Variants in NELL1 observed in about 807,000 individuals in gnomAD.
The protein encoded by NELL1 is neural EGFL like 1.
In NELL1, 76 loss-of-function variants were observed where a neutral mutation model predicts 107.4. The observed-to-expected ratio is 0.71, with a 90% CI of 0.59 to 0.86. The LOEUF (loss-of-function observed/expected upper bound fraction) is 0.86, where lower values mean the gene tolerates loss of function less well. Ranked by LOEUF, NELL1 falls within the 40% of genes least tolerant of loss-of-function variation. The pLI, the probability that NELL1 is intolerant of heterozygous loss-of-function variation, is 0.00. For missense variants in NELL1, 1,024 were observed against 1,005.5 expected, an observed-to-expected ratio of 1.02 and a Z score of -0.25; for synonymous variants, 353 against 341.2, an observed-to-expected ratio of 1.03 and a Z score of -0.38.
At chr11:21,316,887 A>G (rs1169102669) in intron 14 of NELL1, among the ~76,000 whole-genome samples, 1 of 152,104 alleles carries the variant, frequency 6.6e-6, no homozygotes, top group East Asian at 1.9e-4. Context: ...GACTATAATG[A>G]AAACGATTCA....
Position 21,575,491 on chromosome 11 carries a change from T to A in NELL1, c.*469T>A, listed in dbSNP as rs1477005666. 6.3e-6 allele frequency: 1 copy of A among 158,900 alleles called. No individual in the cohort carries two copies. Among genetic ancestry groups the A allele is most frequent in the Non-Finnish European group, 1.4e-5 (1 of 72,088 alleles). 9.8% of individuals were successfully genotyped at this position (158,900 alleles called of 1,614,324 possible). The stretch of plus-strand genomic sequence containing the variant: ...ATCTACTGCATACTTAGTGCTGAGA[T>A]CCCTGTAAAATGTTTTGATGAAAAT... On this transcript the variant is annotated 3_prime_UTR_variant, in exon 20 of 20. Transcript: ENST00000357134.
At chr11:21,241,210 G>A (rs1212315295) in intron 14 of NELL1, among the ~76,000 whole-genome samples, 1 of 152,054 alleles carries the variant, frequency 6.6e-6, no homozygotes, top group African/African-American at 2.4e-5. Context: ...ATATTTCATT[G>A]TCAATATGTA....
chr11:20,674,248 G>A (rs1853992659), intron 1 of NELL1, among the ~76,000 whole-genome samples: 1 of 152,164 alleles, frequency 6.6e-6, no homozygotes, highest in African/African-American at 2.4e-5. Context: ...AGGGCTGGGA[G>A]GAAAGGGGCC....
rs185108185 is a variant in NELL1, at chr11:21,146,815, G to A, written c.1426+33101G>A. ...CCCAGCACTTTTGCAGGCCAAGGTG[G>A]GGGGGATCATCTGAGGTCAGGAGTT... On this transcript the variant is annotated intron_variant, in intron 13 of 19. Transcript: ENST00000357134. Among the ~76,000 whole-genome samples, 1,445 of 151,892 alleles carry A rather than the reference G, an allele frequency of 9.5e-3. 63 individuals carry two copies. The East Asian group carries it at 0.11, about 12-fold the overall frequency.
chr11:20,750,749 G>A (rs575315622), intron 2 of NELL1, among the ~76,000 whole-genome samples: 17 of 151,928 alleles, frequency 1.1e-4, no homozygotes, highest in Admixed American at 5.3e-4. Flanking sequence ...ACCACACCTG[G>A]CTAATTTTTT....
In NELL1 at chr11:21,113,458, T is replaced by C. The variant is rs1855152931; in HGVS notation, c.1301-131T>C. 5.8e-6 allele frequency: 5 copies of C among 862,378 alleles called. No individual in the cohort carries two copies. The South Asian group carries it at 7.5e-5, about 13-fold the overall frequency. The allele number at this position is 862,378 out of a possible 1,614,324, so 53.4% of individuals were successfully genotyped here. A position where few individuals can be genotyped will look rare whatever the true frequency, so the allele number is the denominator to read the frequency against. ...CAAGCTGAATTTTCACCTAAGCTTTTGTGTTTAATGCATGTTACTTTTTCT... is the reference window on the plus strand; with the variant it reads ...CAAGCTGAATTTTCACCTAAGCTTTCGTGTTTAATGCATGTTACTTTTTCT... On this transcript the variant is annotated intron_variant, in intron 12 of 19. Coordinates refer to ENST00000357134, the MANE Select transcript of NELL1 (RefSeq NM_006157.5).
intron 13 of NELL1, among the ~76,000 whole-genome samples, chr11:21,151,671 A>G (rs1227208818): frequency 6.6e-6 from 1 of 152,222 alleles, no homozygotes; most frequent in East Asian, 1.9e-4. Context: ...ATATCTTAGC[A>G]CAGTTCCTAG....
chr11:21,348,137 T>A (rs928999362), intron 14 of NELL1, among the ~76,000 whole-genome samples: 18 of 151,966 alleles, frequency 1.2e-4, no homozygotes, highest in African/African-American at 4.4e-4. Flanking sequence ...TAATATAAGA[T>A]ATGGCTTTCT....
intron 2 of NELL1, among the ~76,000 whole-genome samples, chr11:20,707,078 C>T (rs1854982948): frequency 6.6e-6 from 1 of 152,096 alleles, no homozygotes; most frequent in Admixed American, 6.6e-5. Context: ...TCTTTTTTCT[C>T]TAAACTTCTC....
chr11:20,744,904 A>T (rs951509193), intron 2 of NELL1, among the ~76,000 whole-genome samples: 1 of 152,156 alleles, frequency 6.6e-6, no homozygotes, highest in Non-Finnish European at 1.5e-5. Flanking sequence ...CTCTGCCTGG[A>T]ATACAGTTGC....
At chr11:21,084,748 G>C (rs979378878) in intron 12 of NELL1, among the ~76,000 whole-genome samples, 1 of 152,168 alleles carries the variant, frequency 6.6e-6, no homozygotes, top group Non-Finnish European at 1.5e-5. Flanking sequence ...CTGTGCGTTT[G>C]TGTCTTATGT....
chr11:21,572,372 T>C (rs1241403236), intron 18 of NELL1, among the ~76,000 whole-genome samples: 2 of 150,552 alleles, frequency 1.3e-5, no homozygotes, highest in Admixed American at 1.3e-4. Context: ...TCAAGACTTT[T>C]CATGTGCCAA....
chr11:21,182,305 G>A (rs948220754), intron 13 of NELL1, among the ~76,000 whole-genome samples: 3 of 151,656 alleles, frequency 2.0e-5, no homozygotes, highest in African/African-American at 7.3e-5. Flanking sequence ...GTGGTGTCAG[G>A]TGTCTGTAAT....
chr11:20,907,626 T>G (rs1004562092), intron 5 of NELL1, among the ~76,000 whole-genome samples: 3 of 152,176 alleles, frequency 2.0e-5, no homozygotes, highest in African/African-American at 7.2e-5. Context: ...TTTGGAACTC[T>G]TGTATATTGC....
rs545688569 is a variant in NELL1 at position 21,493,425 on chromosome 11, T to C, written c.1646-40949T>C. On this transcript the variant is annotated intron_variant, in intron 15 of 19. Coordinates refer to ENST00000357134, the MANE Select transcript of NELL1 (RefSeq NM_006157.5). ...CTCCATAGAAAAGAATGAAATCATG[T>C]AATTTGAAACAACATGGATGGAACT... 7.2e-5 allele frequency among the ~76,000 whole-genome samples: 11 copies of C among 152,202 alleles called. No individual in the cohort carries two copies. In the East Asian group the frequency reaches 1.4e-3, roughly 19 times the overall value.
At chr11:20,956,134 G>A (rs1331622901) in intron 11 of NELL1, among the ~76,000 whole-genome samples, 1 of 152,144 alleles carries the variant, frequency 6.6e-6, no homozygotes, top group Non-Finnish European at 1.5e-5. Flanking sequence ...CAGGAGAATC[G>A]CTTGAACCCG....
At chr11:20,910,394 T>C (rs1383054161) in intron 5 of NELL1, among the ~76,000 whole-genome samples, 3 of 152,204 alleles carry the variant, frequency 2.0e-5, no homozygotes, top group Admixed American at 1.3e-4. Flanking sequence ...ACAAAGTCAC[T>C]GTTCAAAATG....
chr11:21,277,089 A>T (rs1260152086), intron 14 of NELL1, among the ~76,000 whole-genome samples: 24 of 148,292 alleles, frequency 1.6e-4, no homozygotes, highest in South Asian at 1.1e-3. Context: ...AGCAAAAGAA[A>T]CTACCATCAG....
intron 12 of NELL1, among the ~76,000 whole-genome samples, chr11:20,975,579 T>TCC (rs1851590330): frequency 6.9e-6 from 1 of 144,766 alleles, no homozygotes; most frequent in African/African-American, 2.5e-5. Flanking sequence ...ATGTATTATA[T>TCC]ACACATATGT....
Sources: allele counts gnomAD v4.1 joint callset (sites outside exome capture counted in the v4.1 genomes callset), GRCh38; gene constraint gnomAD v4.1.1; transcripts MANE v1.5; gene names NCBI Gene and HGNC (gene_info 2026-07-23, HGNC 2026-07-21).